The following DGKB variants were observed in gnomAD, a reference collection of about 807,000 sequenced individuals.
DGKB encodes the protein 90 kDa diacylglycerol kinase.
In DGKB, 67 loss-of-function variants were observed where a neutral mutation model predicts 114.3. The ratio of observed to expected loss-of-function variants is 0.59; its 90% CI spans 0.48 to 0.72. The LOEUF is 0.72. DGKB is among the 30% of genes least tolerant of loss of function. The pLI is 0.00. For synonymous variants in DGKB, 398 were observed against 323.1 expected (o/e 1.23, Z -2.49); for missense variants, 907 against 975.2 (o/e 0.93, Z 0.93).
chr7:14,352,534 G>A (rs1008945433), intron 21 of DGKB, among the ~76,000 whole-genome samples: 1 of 152,136 alleles, frequency 6.6e-6, no homozygotes, highest in Non-Finnish European at 1.5e-5. Context: ...AAGTCCCTAA[G>A]AGCAGTGATA....
chr7:14,820,053 T>C (rs1010255689), intron 2 of DGKB, among the ~76,000 whole-genome samples: 2 of 152,032 alleles, frequency 1.3e-5, no homozygotes, highest in African/African-American at 4.8e-5. Context: ...AAAAGAGAGG[T>C]AGAAATTACA....
chr7:14,532,694 G>A lies in DGKB; in HGVS notation c.1770+41518C>T, dbSNP rs143957789. 1.7e-3 allele frequency among the ~76,000 whole-genome samples: 254 copies of A among 151,620 alleles called. 3 individuals carry two copies. Among genetic ancestry groups the A allele is most frequent in the African/African-American group, 5.7e-3 (238 of 41,508 alleles). ...TAGACAATTTAACACATATGCAGAT[G>A]TATAAATGCCATTCTCTTAATATTT... On this transcript the variant is annotated intron_variant, in intron 20 of 25. Coordinates refer to ENST00000402815, the MANE Select transcript of DGKB (RefSeq NM_001350709.2).
chr7:14,618,966 T>C (rs1043191333), intron 15 of DGKB, among the ~76,000 whole-genome samples: 7 of 151,560 alleles, frequency 4.6e-5, no homozygotes, highest in African/African-American at 1.7e-4. Flanking sequence ...CATTTTGGTA[T>C]TTTAAAATTG....
chr7:14,955,117 A>C (rs1450033419), intron 1 of DGKB, among the ~76,000 whole-genome samples: 1 of 152,052 alleles, frequency 6.6e-6, no homozygotes, highest in African/African-American at 2.4e-5. Flanking sequence ...TGAGACCAAC[A>C]CTATAAAAAA....
intron 23 of DGKB, chr7:14,209,490 GT>G: frequency 8.1e-6 from 4 of 491,832 alleles, no homozygotes; most frequent in South Asian, 3.0e-5. Context: ...CCTTCCAAAG[GT>G]TTTTTTATCC....
intron 1 of DGKB, among the ~76,000 whole-genome samples, chr7:14,909,999 G>A (rs1163044193): frequency 6.6e-6 from 1 of 151,974 alleles, no homozygotes; most frequent in Non-Finnish European, 1.5e-5. Context: ...TTGAGGTCAG[G>A]AGTTCGAGAC....
intron 23 of DGKB, among the ~76,000 whole-genome samples, chr7:14,298,950 C>T (rs890304848): frequency 2.6e-5 from 4 of 152,126 alleles, no homozygotes; most frequent in Non-Finnish European, 2.9e-5. Flanking sequence ...AAAAGCTCAT[C>T]ATCACTGGTC....
chr7:14,695,657 G>A (rs1320263502), intron 8 of DGKB, among the ~76,000 whole-genome samples: 3 of 151,566 alleles, frequency 2.0e-5, no homozygotes, highest in South Asian at 4.2e-4. Context: ...CCGCCACTAC[G>A]CCCGGCTGAT....
At chr7:14,208,775 G>C (rs1293950914) in intron 23 of DGKB, among the ~76,000 whole-genome samples, 2 of 151,758 alleles carry the variant, frequency 1.3e-5, no homozygotes. Context: ...TATCTAGCTT[G>C]ATTCTTTATT....
intron 1 of DGKB, among the ~76,000 whole-genome samples, chr7:14,895,182 A>G (rs1181796472): frequency 6.6e-6 from 1 of 151,690 alleles, no homozygotes; most frequent in Non-Finnish European, 1.5e-5. Context: ...TAATCCTATA[A>G]TATACAGGTA....
chr7:14,710,975 A>C (rs1827265106), intron 6 of DGKB, among the ~76,000 whole-genome samples: 1 of 152,020 alleles, frequency 6.6e-6, no homozygotes, highest in Non-Finnish European at 1.5e-5. Context: ...TAATTTCTTT[A>C]ATTAAATGGA....
intron 23 of DGKB, among the ~76,000 whole-genome samples, chr7:14,239,762 G>C (rs984999775): frequency 3.4e-4 from 52 of 152,042 alleles, no homozygotes; most frequent in Middle Eastern, 3.4e-3. Flanking sequence ...AGCCTAAGTG[G>C]TAAAATAAGG....
chr7:14,377,087 G>A (rs952348474), intron 21 of DGKB, among the ~76,000 whole-genome samples: 1 of 152,150 alleles, frequency 6.6e-6, no homozygotes, highest in South Asian at 2.1e-4. Flanking sequence ...AGGATGGGGG[G>A]TTCTGAACCA....
chr7:14,749,038 C>T (rs371538125), intron 4 of DGKB, among the ~76,000 whole-genome samples: 11 of 152,018 alleles, frequency 7.2e-5, no homozygotes, highest in East Asian at 5.8e-4. Context: ...ATTTCTATTT[C>T]GCATTCTAAT....
intron 23 of DGKB, chr7:14,191,936 C>A: frequency 1.5e-6 from 1 of 661,298 alleles, no homozygotes; most frequent in Non-Finnish European, 2.5e-6. Context: ...GGAAGATGGC[C>A]CTAAATACTT....
Position 14,961,342 on chromosome 7 carries a change from A to T in DGKB, c.-188+13354T>A, listed in dbSNP as rs116077583. ...CAGACACACCCTGCTGATAACGCCA[A>T]GACTCTTTAGTAACCAAACCTTTCT... On this transcript the variant is annotated intron_variant, in intron 1 of 4. Transcript: ENST00000437998. Among the ~76,000 whole-genome samples, 836 of 152,236 alleles carry T rather than the reference A, an allele frequency of 5.5e-3. 9 individuals are homozygous for T. Among genetic ancestry groups the T allele is most frequent in the African/African-American group, 0.019 (800 of 41,544 alleles).
intron 1 of DGKB, among the ~76,000 whole-genome samples, chr7:14,869,312 A>G (rs1309190306): frequency 6.6e-6 from 1 of 152,136 alleles, no homozygotes. Flanking sequence ...AGACTTTGAA[A>G]TCCTGTCAGA....
At chr7:14,732,490 G>A (rs1411918510) in intron 5 of DGKB, among the ~76,000 whole-genome samples, 1 of 150,742 alleles carries the variant, frequency 6.6e-6, no homozygotes, top group Admixed American at 6.6e-5. Context: ...CTTCAGCCTT[G>A]AAAATTTTAT....
intron 1 of DGKB, among the ~76,000 whole-genome samples, chr7:14,879,528 T>C (rs1853891311): frequency 6.6e-6 from 1 of 152,206 alleles, no homozygotes; most frequent in Admixed American, 6.5e-5. Context: ...CTTTAAAAGG[T>C]ACTAACCTGA....
Sources: gnomAD v4.1 joint callset for allele counts (sites outside exome capture counted in the v4.1 genomes callset) on GRCh38, gnomAD v4.1.1 for gene constraint, MANE v1.5 for transcripts, NCBI Gene and HGNC (gene_info 2026-07-23, HGNC 2026-07-21) for gene names.